The following GJB7 variants were observed in gnomAD, a reference collection of about 807,000 sequenced individuals.
GJB7 encodes gap junction beta-7 protein.
For missense variants in GJB7, 253 were observed against 256.8 expected (o/e 0.99, Z 0.10); for synonymous variants, 87 against 95.2 (o/e 0.91, Z 0.50).
chr6:87,284,694 TTGGGAAA>T lies in GJB7; in HGVS notation c.212_218del (p.Ile71LysfsTer9), dbSNP rs1191330081. On this transcript the variant is annotated frameshift_variant, in exon 3 of 3. Coordinates refer to ENST00000525899, the MANE Select transcript of GJB7 (RefSeq NM_198568.3). LOFTEE classifies it low-confidence loss of function (END_TRUNC). ...TCAGTTGTAAGGCCCAAAGTCTGAC[TTGGGAAA>T]TGGGGAAGAAGTCATCAAAACACAC... is the stretch of plus-strand genomic sequence containing the variant. The T allele has an allele frequency of 6.2e-7, 1 of 1,614,032 alleles. No individual in the cohort carries two copies. Among genetic ancestry groups the T allele is most frequent in the Admixed American group, 1.7e-5 (1 of 60,002 alleles).
intron 2 of GJB7, among the ~76,000 whole-genome samples, chr6:87,288,567 T>C (rs958940021): frequency 6.6e-6 from 1 of 152,198 alleles, no homozygotes; most frequent in African/African-American, 2.4e-5. Context: ...TGTCATCTCA[T>C]AAACTTAAAA....
At chr6:87,321,823 C>T (rs1169709645) in intron 2 of GJB7, among the ~76,000 whole-genome samples, 1 of 152,062 alleles carries the variant, frequency 6.6e-6, no homozygotes, top group Non-Finnish European at 1.5e-5. Context: ...GAAACAAGCA[C>T]GTCTTACCGT....
intron 1 of GJB7, among the ~76,000 whole-genome samples, chr6:87,324,206 T>G (rs554399167): frequency 1.1e-3 from 165 of 152,352 alleles, no homozygotes; most frequent in African/African-American, 3.7e-3. Context: ...TGTGAAAATT[T>G]TCTCCCATTT....
At chr6:87,303,321 G>T (rs1263233498) in intron 2 of GJB7, among the ~76,000 whole-genome samples, 1 of 152,090 alleles carries the variant, frequency 6.6e-6, no homozygotes, top group Non-Finnish European at 1.5e-5. Context: ...AAAATAAAGG[G>T]ATGGAGGAAG....
chr6:87,284,613 A>G lies in GJB7; in HGVS notation c.300T>C (p.Gly100=), dbSNP rs1245707616. Residue 100 remains glycine, a synonymous_variant, in exon 3 of 3, where the codon GGT becomes GGC. Coordinates refer to ENST00000525899, the MANE Select transcript of GJB7 (RefSeq NM_198568.3). Reference sequence around the variant, plus strand: ...GTTTCTTTCTGTGCCTTTTCTCTCTACCCTCATGATAGGCTACATGTAAAA... The same window carrying G: ...GTTTCTTTCTGTGCCTTTTCTCTCTGCCCTCATGATAGGCTACATGTAAAA... The part of the protein sequence containing the change: ...LVVLHVAYHE[G]REKRHRKKLY... 9 of 1,613,946 alleles carry G rather than the reference A, an allele frequency of 5.6e-6. No individual in the cohort carries two copies. In the African/African-American group the frequency reaches 1.2e-4, roughly 22 times the overall value.
chr6:87,323,352 C>G (rs1378386700), intron 1 of GJB7, among the ~76,000 whole-genome samples: 2 of 152,078 alleles, frequency 1.3e-5, no homozygotes, highest in African/African-American at 4.8e-5. Flanking sequence ...TATACATGTG[C>G]CATGCTGGTG....
At chr6:87,293,834 C>A (rs1295002248) in intron 2 of GJB7, among the ~76,000 whole-genome samples, 1 of 152,158 alleles carries the variant, frequency 6.6e-6, no homozygotes, top group African/African-American at 2.4e-5. Context: ...GTGTAATTTT[C>A]CAGACAAAGA....
chr6:87,297,905 C>G (rs1776268253), intron 2 of GJB7, among the ~76,000 whole-genome samples: 1 of 152,188 alleles, frequency 6.6e-6, no homozygotes, highest in Non-Finnish European at 1.5e-5. Context: ...CCATCTTTCT[C>G]TTTGGTTTTC....
intron 2 of GJB7, among the ~76,000 whole-genome samples, chr6:87,286,569 A>G (rs986340516): frequency 2.0e-5 from 3 of 152,124 alleles, no homozygotes; most frequent in South Asian, 2.1e-4. Context: ...CTCTTTTCTC[A>G]ATAAAAGCTA....
At chr6:87,316,038 A>C (rs1776580149) in intron 2 of GJB7, among the ~76,000 whole-genome samples, 1 of 152,086 alleles carries the variant, frequency 6.6e-6, no homozygotes, top group Non-Finnish European at 1.5e-5. Flanking sequence ...ATATTCAACA[A>C]ATTCTCTCTT....
intron 2 of GJB7, among the ~76,000 whole-genome samples, chr6:87,288,321 T>C (rs1464015016): frequency 1.3e-5 from 2 of 152,218 alleles, no homozygotes; most frequent in African/African-American, 4.8e-5. Context: ...TATCACTCTT[T>C]CATATGTATA....
At chr6:87,318,061 A>G (rs922370362) in intron 2 of GJB7, among the ~76,000 whole-genome samples, 1 of 151,994 alleles carries the variant, frequency 6.6e-6, no homozygotes, top group Admixed American at 6.5e-5. Flanking sequence ...TGCTAAAATT[A>G]TATGGAAGAA....
intron 2 of GJB7, chr6:87,300,588 T>C (rs757610267): frequency 2.6e-5 from 4 of 153,540 alleles, no homozygotes; most frequent in African/African-American, 7.2e-5. Flanking sequence ...CATCAGTTAC[T>C]GGTTTCAGTT....
intron 2 of GJB7, chr6:87,299,307 C>T: frequency 6.2e-6 from 3 of 482,282 alleles, no homozygotes; most frequent in South Asian, 1.6e-5. Context: ...TTGTCAACAT[C>T]ATTTCTGATG....
In GJB7 at chr6:87,288,821, C is replaced by T. The variant is rs142551071; in HGVS notation, c.-27-3882G>A. Among the ~76,000 whole-genome samples, 558 of 152,280 alleles carry T rather than the reference C, an allele frequency of 3.7e-3. 3 individuals are homozygous for T. Among genetic ancestry groups the T allele is most frequent in the African/African-American group, 0.013 (535 of 41,548 alleles). On this transcript the variant is annotated intron_variant, in intron 2 of 2. Coordinates refer to ENST00000525899, the MANE Select transcript of GJB7 (RefSeq NM_198568.3). The stretch of plus-strand genomic sequence containing the variant: ...CAAAACTTTTCACTCTTTTCATCTG[C>T]GCTTCCACCACTCTAATCCATGCCA...
chr6:87,321,223 T>C (rs530236755), intron 2 of GJB7, among the ~76,000 whole-genome samples: 1 of 81,976 alleles, frequency 1.2e-5, no homozygotes, highest in East Asian at 3.2e-4. Context: ...CGACACTCCA[T>C]CTCAAAAAAA....
intron 2 of GJB7, among the ~76,000 whole-genome samples, chr6:87,287,995 C>T (rs569068729): frequency 1.1e-4 from 17 of 152,196 alleles, no homozygotes; most frequent in African/African-American, 2.4e-4. Flanking sequence ...CTCCGCCTCC[C>T]GGGTTCAAGC....
chr6:87,302,128 C>T (rs868632099), intron 2 of GJB7, among the ~76,000 whole-genome samples: 3 of 152,186 alleles, frequency 2.0e-5, no homozygotes, highest in Non-Finnish European at 2.9e-5. Flanking sequence ...CACCTCTCCC[C>T]CTCCAAAGGA....
chr6:87,298,976 AC>A, intron 2 of GJB7: 1 of 466,436 alleles, frequency 2.1e-6, no homozygotes, highest in South Asian at 1.7e-5. Context: ...TTCTAAAGTA[AC>A]AAAAGATGGT....
Sources: allele counts gnomAD v4.1 joint callset (sites outside exome capture counted in the v4.1 genomes callset), GRCh38; gene constraint gnomAD v4.1.1; transcripts MANE v1.5; gene names NCBI Gene and HGNC (gene_info 2026-07-23, HGNC 2026-07-21).